Variants in SEMA5A observed in about 807,000 individuals in gnomAD.
SEMA5A encodes semaphorin-5A.
In SEMA5A, 55 loss-of-function variants were observed where a neutral mutation model predicts 135.5. That is an observed-to-expected ratio of 0.41 (90% CI 0.33 to 0.51). The LOEUF (loss-of-function observed/expected upper bound fraction) is 0.51, where lower values mean the gene tolerates loss of function less well. Among genes scored for constraint, SEMA5A ranks in the 20% least tolerant of loss-of-function variants. SEMA5A has a pLI of 0.37. For synonymous variants in SEMA5A, 580 were observed against 546.5 expected, an observed-to-expected ratio of 1.06 and a Z score of -0.85; for missense variants, 1,290 against 1,419.9, an observed-to-expected ratio of 0.91 and a Z score of 1.47.
At chr5:9,433,039 G>A (rs572094243) in intron 2 of SEMA5A, among the ~76,000 whole-genome samples, 8 of 152,090 alleles carry the variant, frequency 5.3e-5, no homozygotes, top group Non-Finnish European at 1.2e-4. Flanking sequence ...TTCTAAACTA[G>A]GTCTCTATTT....
rs533566662 is a variant in SEMA5A, at chr5:9,232,249, G to A, written c.334-5282C>T. Among the ~76,000 whole-genome samples the A allele has an allele frequency of 4.9e-4, 75 of 152,218 alleles. 1 individual carries two copies. The highest frequency in any genetic ancestry group is 2.7e-3 in the Admixed American group (42 of 15,280). Reference sequence around the variant, plus strand: ...GTATCTCTTCAGCAATACCCAGCCCGTCGCCCAGCCCACTAATTTTAGGGA... The same window carrying A: ...GTATCTCTTCAGCAATACCCAGCCCATCGCCCAGCCCACTAATTTTAGGGA... On this transcript the variant is annotated intron_variant, in intron 6 of 22. Coordinates refer to ENST00000382496, the MANE Select transcript of SEMA5A (RefSeq NM_003966.3).
At chr5:9,382,301 A>AAAT (rs1315416583) in intron 2 of SEMA5A, among the ~76,000 whole-genome samples, 4 of 152,068 alleles carry the variant, frequency 2.6e-5, no homozygotes, top group African/African-American at 9.7e-5. Context: ...CTTTGTCTCT[A>AAAT]AATAATAATA....
chr5:9,446,340 A>G (rs1758432534), intron 1 of SEMA5A, among the ~76,000 whole-genome samples: 1 of 152,132 alleles, frequency 6.6e-6, no homozygotes, highest in South Asian at 2.1e-4. Context: ...GGGGGCAAAA[A>G]TGACTTCTTT....
intron 5 of SEMA5A, among the ~76,000 whole-genome samples, chr5:9,262,823 C>G (rs1258346328): frequency 8.4e-6 from 1 of 119,576 alleles, no homozygotes; most frequent in Non-Finnish European, 1.7e-5. Flanking sequence ...GTGCAGCGCA[C>G]CAGCATGGCA....
intron 2 of SEMA5A, among the ~76,000 whole-genome samples, chr5:9,426,204 G>A (rs890621697): frequency 4.6e-5 from 7 of 152,000 alleles, no homozygotes; most frequent in Non-Finnish European, 1.0e-4. Flanking sequence ...TTGGGAGGCC[G>A]AGGCGGGCAG....
intron 1 of SEMA5A, among the ~76,000 whole-genome samples, chr5:9,443,485 T>C (rs548824350): frequency 2.4e-4 from 36 of 152,336 alleles, no homozygotes; most frequent in African/African-American, 8.4e-4. Flanking sequence ...AAATGGACTT[T>C]TATTGTTTCC....
chr5:9,096,554 C>CTGTGTG (rs56202626), intron 16 of SEMA5A, among the ~76,000 whole-genome samples: 9,062 of 144,430 alleles, frequency 0.063, 384 homozygotes, highest in African/African-American at 0.12. Flanking sequence ...TAATATTCCA[C>CTGTGTG]TGTGTGTGTG....
At chr5:9,521,880 G>A (rs1396156073) in intron 1 of SEMA5A, among the ~76,000 whole-genome samples, 1 of 152,100 alleles carries the variant, frequency 6.6e-6, no homozygotes, top group Non-Finnish European at 1.5e-5. Flanking sequence ...CAGGGAGGAG[G>A]GGCAGAGAGG....
At chr5:9,087,510 A>ATT (rs1738764344) in intron 16 of SEMA5A, among the ~76,000 whole-genome samples, 2 of 151,624 alleles carry the variant, frequency 1.3e-5, no homozygotes, top group Non-Finnish European at 2.9e-5. Flanking sequence ...TTAAATTTGT[A>ATT]TTTTTAGCCA....
intron 2 of SEMA5A, among the ~76,000 whole-genome samples, chr5:9,407,733 T>C (rs1284523770): frequency 2.0e-5 from 3 of 152,178 alleles, no homozygotes; most frequent in Non-Finnish European, 2.9e-5. Flanking sequence ...CTTACCCTCA[T>C]GCTGCTAGGT....
intron 11 of SEMA5A, among the ~76,000 whole-genome samples, chr5:9,182,571 C>A (rs1330630909): frequency 6.6e-6 from 1 of 151,982 alleles, no homozygotes; most frequent in East Asian, 1.9e-4. Context: ...CCCTAAGAAC[C>A]AATGTTTGCT....
chr5:9,387,272 C>T (rs773704719), intron 2 of SEMA5A, among the ~76,000 whole-genome samples: 26 of 152,146 alleles, frequency 1.7e-4, no homozygotes, highest in Non-Finnish European at 2.9e-4. Flanking sequence ...GGCATGAAAA[C>T]GGGCAGTGTC....
At chr5:9,392,530 C>A (rs1044212249) in intron 2 of SEMA5A, among the ~76,000 whole-genome samples, 1 of 152,120 alleles carries the variant, frequency 6.6e-6, no homozygotes, top group African/African-American at 2.4e-5. Context: ...TCAATGACAG[C>A]AAAATAGTTT....
chr5:9,230,766 T>C (rs1747586094), intron 6 of SEMA5A, among the ~76,000 whole-genome samples: 1 of 151,708 alleles, frequency 6.6e-6, no homozygotes, highest in Non-Finnish European at 1.5e-5. Context: ...AGGAGGGTAG[T>C]AGTGTAGTTG....
chr5:9,400,284 C>T (rs373150958), intron 2 of SEMA5A, among the ~76,000 whole-genome samples: 237 of 152,086 alleles, frequency 1.6e-3, no homozygotes, highest in African/African-American at 5.5e-3. Context: ...ATGTAACAAG[C>T]CTGCACGTTC....
intron 13 of SEMA5A, among the ~76,000 whole-genome samples, chr5:9,125,762 C>T (rs1057251061): frequency 1.3e-5 from 2 of 151,892 alleles, no homozygotes; most frequent in African/African-American, 4.8e-5. Context: ...CTTGGAGAAC[C>T]AAGCCTTGCA....
At chr5:9,395,732 T>C (rs771484537) in intron 2 of SEMA5A, among the ~76,000 whole-genome samples, 1 of 152,220 alleles carries the variant, frequency 6.6e-6, no homozygotes, top group Non-Finnish European at 1.5e-5. Flanking sequence ...CACATGTTTT[T>C]CTCTGTATGC....
intron 2 of SEMA5A, among the ~76,000 whole-genome samples, chr5:9,418,182 T>C (rs1009730302): frequency 1.3e-4 from 20 of 152,100 alleles, no homozygotes; most frequent in Non-Finnish European, 1.9e-4. Flanking sequence ...TTCACCGTGT[T>C]AGCCAAGATG....
At chr5:9,063,409 A>T (rs998516725) in intron 17 of SEMA5A, among the ~76,000 whole-genome samples, 2 of 152,212 alleles carry the variant, frequency 1.3e-5, no homozygotes, top group African/African-American at 2.4e-5. Flanking sequence ...TTTTGAAGAC[A>T]CTTCTTACAA....
Sources: gnomAD v4.1 joint callset for allele counts (sites outside exome capture counted in the v4.1 genomes callset) on GRCh38, gnomAD v4.1.1 for gene constraint, MANE v1.5 for transcripts, NCBI Gene and HGNC (gene_info 2026-07-23, HGNC 2026-07-21) for gene names.